The following CERS1 variants were observed in gnomAD, a reference collection of about 807,000 sequenced individuals.
CERS1 encodes Embryonic growth/differentiation factor 1.
Under a neutral mutation model 35.7 loss-of-function variants are expected in CERS1, and 16 were observed. The observed-to-expected ratio is 0.45, with a 90% CI of 0.30 to 0.68. The LOEUF is 0.68. Among genes scored for constraint, CERS1 ranks in the 30% least tolerant of loss-of-function variants. The pLI is 0.08. For synonymous variants in CERS1, 243 were observed against 201.6 expected (o/e 1.21, Z -1.74); for missense variants, 454 against 453.9 (o/e 1.00, Z 0.00).
At chr19:18,884,000 G>C in intron 3 of CERS1, 87 bp downstream of exon 3, 1 of 1,400,276 alleles carries the variant, frequency 7.1e-7, no homozygotes, top group Middle Eastern at 2.0e-4. Flanking sequence ...TCCCCTCCAC[G>C]GCCTCCTCTG....
Position 18,878,136 on chromosome 19 carries a change from C to T in CERS1, c.1010+794G>A, listed in dbSNP as rs10426520. On this transcript the variant is annotated intron_variant, in intron 6 of 7. Transcript: ENST00000623882. The surrounding 1 kb of genome is among the most constrained non-coding windows in gnomAD (Gnocchi z 4.6). ...TTCCCACGTCACCGATGGCCCCCAC[C>T]GGCCAAATCAGAGGGCCTGGCTGGT... 7,943 of 985,502 alleles carry T rather than the reference C, an allele frequency of 8.1e-3. 515 individuals carry two copies. In the African/African-American group the frequency reaches 0.13, roughly 16 times the overall value. 61.0% of individuals were successfully genotyped at this position (985,502 alleles called of 1,614,324 possible). A position where few individuals can be genotyped will look rare whatever the true frequency, so the allele number is the denominator to read the frequency against.
chr19:18,892,874 C>T (rs999570976), intron 2 of CERS1, among the ~76,000 whole-genome samples: 5 of 152,140 alleles, frequency 3.3e-5, no homozygotes, highest in Non-Finnish European at 5.9e-5. Flanking sequence ...CTGAGACACC[C>T]ATAGGAGCTC....
chr19:18,885,511 G>GTTTTTTTTTT (rs59793456), intron 2 of CERS1, among the ~76,000 whole-genome samples: 4 of 22,122 alleles, frequency 1.8e-4, no homozygotes, highest in African/African-American at 3.4e-4. Context: ...GCCCCTTCTC[G>GTTTTTTTTTT]TTTTTTTTTT....
At position 18,885,792 on chromosome 19, in the gene CERS1, T is replaced by C. The variant is rs570246897; in HGVS notation, c.410-1525A>G. Among the ~76,000 whole-genome samples the C allele has an allele frequency of 1.4e-4, 21 of 152,188 alleles. No individual in the cohort carries two copies. The East Asian group carries it at 3.7e-3, about 27-fold the overall frequency. On this transcript the variant is annotated intron_variant, in intron 2 of 7. Transcript: ENST00000623882. The stretch of plus-strand genomic sequence containing the variant: ...CCTCGGCCTCCCAAAGTGCTGGGAT[T>C]ACGGGCGTGAGCCGCTGCGCCCGGC...
In CERS1 at chr19:18,878,877, G is replaced by A. The variant is rs1390391874; in HGVS notation, c.1010+53C>T. ...TGGGGGCCTGCCCACGAACACGCTT[G>A]GACGGGTGACACTAAAGGAGGGAAC... is the stretch of plus-strand genomic sequence containing the variant. On this transcript the variant is annotated intron_variant, in intron 6 of 7. Transcript: ENST00000623882. This position sits in a 1 kb window ranked among gnomAD's most constrained non-coding sequence, Gnocchi z 4.6. 1.3e-6 allele frequency: 2 copies of A among 1,596,630 alleles called. No individual in the cohort carries two copies. The highest frequency in any genetic ancestry group is 1.7e-6 in the Non-Finnish European group (2 of 1,172,304).
chr19:18,895,646 A>G lies in CERS1; in HGVS notation c.249+178T>C, dbSNP rs146100393. On this transcript the variant is annotated intron_variant, in intron 1 of 7. Coordinates refer to ENST00000623882, the MANE Select transcript of CERS1 (RefSeq NM_021267.5). This position sits in a 1 kb window ranked among gnomAD's most constrained non-coding sequence, Gnocchi z 6.4. ...GGCGCGCGGCGGCCCGAGAGACCTT[A>G]TCCTGGGGCTCCAACGTCCTGGGCC... 0.032 allele frequency among the ~76,000 whole-genome samples: 4,827 copies of G among 150,890 alleles called. 105 individuals carry two copies. The highest frequency in any genetic ancestry group is 0.041 in the Non-Finnish European group (2,742 of 67,656).
In CERS1 at chr19:18,868,924, C is replaced by T. The variant is rs1212176395; in HGVS notation, c.*1061G>A. ...ACAGCCGCCGCGCGCGACAAGCGCC[C>T]CCGGGGCCGCCGCCCAACACGGGTT... On this transcript the variant is annotated 3_prime_UTR_variant, in exon 8 of 8. Coordinates refer to ENST00000623882, the MANE Select transcript of CERS1 (RefSeq NM_021267.5). 2.2e-6 allele frequency: 3 copies of T among 1,334,058 alleles called. No individual in the cohort carries two copies. Among genetic ancestry groups the T allele is most frequent in the Admixed American group, 3.0e-5 (1 of 33,096 alleles). 82.6% of individuals were successfully genotyped at this position (1,334,058 alleles called of 1,614,324 possible).
chr19:18,893,070 C>T lies in CERS1; in HGVS notation c.409+346G>A, dbSNP rs758782107. On this transcript the variant is annotated intron_variant, in intron 2 of 7. Coordinates refer to ENST00000623882, the MANE Select transcript of CERS1 (RefSeq NM_021267.5). ...TAGCTGGGATTACAGGCGCCCACCA[C>T]ACCCGGCTAATTTTTTGTATTTTTA... is the stretch of plus-strand genomic sequence containing the variant. Among the ~76,000 whole-genome samples the T allele has an allele frequency of 2.0e-5, 3 of 151,938 alleles. No homozygotes were observed. The East Asian group carries it at 5.8e-4, about 29-fold the overall frequency.
At chr19:18,894,395 A>G (rs2056574688) in intron 1 of CERS1, among the ~76,000 whole-genome samples, 1 of 152,074 alleles carries the variant, frequency 6.6e-6, no homozygotes, top group African/African-American at 2.4e-5. Flanking sequence ...CGGCTCCGGT[A>G]ACCCCTGGCA....
chr19:18,884,010 G>T, intron 3 of CERS1, 77 bp downstream of exon 3: 1 of 1,472,048 alleles, frequency 6.8e-7, no homozygotes, highest in African/African-American at 1.4e-5. Flanking sequence ...GGCCTCCTCT[G>T]TGCCCCGCCG....
At chr19:18,882,694 C>T (rs62138063) in intron 3 of CERS1, among the ~76,000 whole-genome samples, 122,517 of 150,884 alleles carry the variant, frequency 0.81, 49,758 homozygotes, top group Admixed American at 0.86. Context: ...TATTTATGTA[C>T]GTGTTTGTTT....
chr19:18,891,764 T>A (rs2056496427), intron 2 of CERS1, among the ~76,000 whole-genome samples: 1 of 150,678 alleles, frequency 6.6e-6, no homozygotes, highest in Non-Finnish European at 1.5e-5. Context: ...GAGATGGAGG[T>A]CTTACCATGT....
In CERS1 at chr19:18,878,880, C is replaced by T. The variant is rs151265092; in HGVS notation, c.1010+50G>A. ...GGGCCTGCCCACGAACACGCTTGGA[C>T]GGGTGACACTAAAGGAGGGAACGCG... On this transcript the variant is annotated intron_variant, in intron 6 of 7. Transcript: ENST00000623882. The surrounding 1 kb of genome is among the most constrained non-coding windows in gnomAD (Gnocchi z 4.6). 4.9e-5 allele frequency: 78 copies of T among 1,598,442 alleles called. No homozygotes were observed. The Admixed American group carries it at 9.3e-4, about 19-fold the overall frequency.
At chr19:18,872,300 C>T (rs530837505) in intron 6 of CERS1, among the ~76,000 whole-genome samples, 81 of 152,194 alleles carry the variant, frequency 5.3e-4, no homozygotes, top group Admixed American at 9.8e-4. Flanking sequence ...GTGTGGGTGG[C>T]GGTGTACCCA....
Position 18,878,630 on chromosome 19 carries a change from T to C in CERS1, c.1010+300A>G. ...TCCTCACCACCCACAGGGCCCTGGC[T>C]CGCCACTCCCGCCACACCAGCCACT... On this transcript the variant is annotated intron_variant, in intron 6 of 7. Coordinates refer to ENST00000623882, the MANE Select transcript of CERS1 (RefSeq NM_021267.5). This position sits in a 1 kb window ranked among gnomAD's most constrained non-coding sequence, Gnocchi z 4.6. The C allele has an allele frequency of 8.3e-7, 1 of 1,210,388 alleles. No homozygotes were observed. Among genetic ancestry groups the C allele is most frequent in the Admixed American group, 3.8e-5 (1 of 25,980 alleles). 75.0% of individuals were successfully genotyped at this position (1,210,388 alleles called of 1,614,324 possible). A position where few individuals can be genotyped will look rare whatever the true frequency, so the allele number is the denominator to read the frequency against.
At chr19:18,885,877 T>C (rs2056344406) in intron 2 of CERS1, among the ~76,000 whole-genome samples, 1 of 152,040 alleles carries the variant, frequency 6.6e-6, no homozygotes, top group Admixed American at 6.6e-5. Flanking sequence ...TCCCTGCAAA[T>C]CCCTGGCCCT....
chr19:18,874,820 TG>T (rs1254300361), intron 6 of CERS1, among the ~76,000 whole-genome samples: 3 of 151,988 alleles, frequency 2.0e-5, no homozygotes, highest in South Asian at 4.2e-4. Context: ...GAAGCAGCAA[TG>T]GGGTGAGATG....
chr19:18,878,847 G>A lies in CERS1; in HGVS notation c.1010+83C>T, dbSNP rs944716936. The A allele has an allele frequency of 4.7e-5, 73 of 1,551,092 alleles. No individual in the cohort carries two copies. The highest frequency in any genetic ancestry group is 6.1e-5 in the Non-Finnish European group (70 of 1,148,544). ...TCCGCGTCGGCCTCATCTGCTGCTGGGTCTTGGGGGCCTGCCCACGAACAC... is the reference window on the plus strand; with the variant it reads ...TCCGCGTCGGCCTCATCTGCTGCTGAGTCTTGGGGGCCTGCCCACGAACAC... On this transcript the variant is annotated intron_variant, in intron 6 of 7. Coordinates refer to ENST00000623882, the MANE Select transcript of CERS1 (RefSeq NM_021267.5). The surrounding 1 kb of genome is among the most constrained non-coding windows in gnomAD (Gnocchi z 4.6).
chr19:18,896,085 C>T lies in CERS1; in HGVS notation c.-13G>A. On this transcript the variant is annotated 5_prime_UTR_variant, in exon 1 of 8. Coordinates refer to ENST00000623882, the MANE Select transcript of CERS1 (RefSeq NM_021267.5). The surrounding 1 kb of genome is among the most constrained non-coding windows in gnomAD (Gnocchi z 5.9). ...CCGCCGCCGCCATACCGCCCGCTCG[C>T]CCGCCGTGCCCGTCGCCTGCGCCCG... 1 of 940,124 alleles carries T rather than the reference C, an allele frequency of 1.1e-6. No individual in the cohort carries two copies. Among genetic ancestry groups the T allele is most frequent in the Non-Finnish European group, 1.3e-6 (1 of 791,034 alleles). The allele number at this position is 940,124 out of a possible 1,614,324, so 58.2% of individuals were successfully genotyped here.
Sources: gnomAD v4.1 joint callset for allele counts (sites outside exome capture counted in the v4.1 genomes callset) on GRCh38, gnomAD v4.1.1 for gene constraint, Gnocchi (gnomAD v3.1) non-coding constraint, MANE v1.5 for transcripts, NCBI Gene and HGNC (gene_info 2026-07-23, HGNC 2026-07-21) for gene names.